Variants in TASOR2 observed in about 807,000 individuals in gnomAD.
TASOR2 encodes the protein protein TASOR 2.
In TASOR2, 84 loss-of-function variants were observed where a neutral mutation model predicts 199.5. That is an observed-to-expected ratio of 0.42 (90% CI 0.35 to 0.50). The LOEUF (loss-of-function observed/expected upper bound fraction) is 0.50, where lower values mean the gene tolerates loss of function less well. Ranked by LOEUF, TASOR2 falls within the 20% of genes least tolerant of loss-of-function variation. The probability of loss-of-function intolerance (pLI) is 0.02; values close to 1 mark genes in which losing one functional copy is unlikely to be tolerated. For synonymous variants in TASOR2, 1,103 were observed against 1,046.6 expected (o/e 1.05, Z -1.04); for missense variants, 2,796 against 2,835.9 (o/e 0.99, Z 0.32).
chr10:5,759,409 G>A (rs7097046), intron 18 of TASOR2, among the ~76,000 whole-genome samples: 3,749 of 152,196 alleles, frequency 0.025, 57 homozygotes, highest in South Asian at 0.037. Context: ...TTATAAATAC[G>A]CAAACTTCAC....
rs1313835890 is a variant in TASOR2 at position 5,752,244 on chromosome 10, TAAA to T, written c.6606+2219_6606+2221del. Reference sequence around the variant, plus strand: ...CTAATGGGACAAGGAAAACACTGATTAAAAGAGTCACACAAATAAATGTGAAAT... The same window carrying T: ...CTAATGGGACAAGGAAAACACTGATTAGAGTCACACAAATAAATGTGAAAT... On this transcript the variant is annotated intron_variant, in intron 15 of 20. Coordinates refer to ENST00000328090, the Ensembl canonical transcript of TASOR2. This position sits in a 1 kb window ranked among gnomAD's most constrained non-coding sequence, Gnocchi z 4.4. Among the ~76,000 whole-genome samples the T allele has an allele frequency of 6.6e-6, 1 of 152,148 alleles. No individual in the cohort carries two copies. Among genetic ancestry groups the T allele is most frequent in the Non-Finnish European group, 1.5e-5 (1 of 68,036 alleles).
At chr10:5,688,616 C>G (rs1836067294) in intron 1 of TASOR2, among the ~76,000 whole-genome samples, 1 of 152,116 alleles carries the variant, frequency 6.6e-6, no homozygotes, top group Non-Finnish European at 1.5e-5. Context: ...GCCTACCATG[C>G]ACTTTCAAGG....
exon 7 of TASOR2, chr10:5,723,677 A>T: frequency 6.4e-7 from 1 of 1,565,290 alleles, no homozygotes; most frequent in Non-Finnish European, 8.7e-7. Flanking sequence ...TGTTTTTCAG[A>T]CCGCAGGAAC....
intron 8 of TASOR2, among the ~76,000 whole-genome samples, chr10:5,725,749 G>T (rs1436889025): frequency 6.6e-6 from 1 of 152,164 alleles, no homozygotes; most frequent in Non-Finnish European, 1.5e-5. Flanking sequence ...CCACTGTGCT[G>T]CAGGCTGGGT....
chr10:5,714,229 A>G (rs887732382), intron 2 of TASOR2, 22 bp downstream of exon 3: 2 of 1,223,864 alleles, frequency 1.6e-6, no homozygotes, highest in Admixed American at 4.2e-5. Context: ...AAGCAAAAAG[A>G]ATCTTAAAAA....
chr10:5,723,822 C>T (rs780439015), intron 7 of TASOR2, 45 bp downstream of exon 8: 3 of 1,348,242 alleles, frequency 2.2e-6, no homozygotes, highest in Non-Finnish European at 3.1e-6. Flanking sequence ...GGGCTTTGTT[C>T]TGGTTATTTT....
At position 5,687,721 on chromosome 10, in the gene TASOR2, G is replaced by T. The variant is rs1413953674; in HGVS notation, c.-288+2546G>T. Among the ~76,000 whole-genome samples, 1 of 152,218 alleles carries T rather than the reference G, an allele frequency of 6.6e-6. No homozygotes were observed. On this transcript the variant is annotated intron_variant, in intron 1 of 20. Coordinates refer to ENST00000328090, the Ensembl canonical transcript of TASOR2. The surrounding 1 kb of genome is among the most constrained non-coding windows in gnomAD (Gnocchi z 4.8). ...GGTAGTCCCAGCTACTCGGGAGGCCGAGACAAGAGAATCACTTGAACCTGG... is the reference window on the plus strand; with the variant it reads ...GGTAGTCCCAGCTACTCGGGAGGCCTAGACAAGAGAATCACTTGAACCTGG...
chr10:5,734,530 T>C (rs1835282159), intron 11 of TASOR2, among the ~76,000 whole-genome samples: 2 of 152,200 alleles, frequency 1.3e-5, no homozygotes, highest in East Asian at 3.8e-4. Flanking sequence ...ACGTAAAATA[T>C]ATAATATGGC....
chr10:5,740,346 C>T lies in TASOR2; in HGVS notation c.2176C>T (p.Arg726Cys), dbSNP rs745400949. The T allele has an allele frequency of 1.5e-5, 24 of 1,614,044 alleles. No individual in the cohort carries two copies. The highest frequency in any genetic ancestry group is 8.8e-5 in the South Asian group (8 of 91,090). Residue 726 changes from arginine (R) to cysteine (C), a missense_variant, in exon 13 of 21, where the codon CGT (arginine) becomes TGT (cysteine). Arg to Cys is a radical substitution (Grantham distance 180). This residue lies in a region of TASOR2 where 847 missense variants were observed against 887.4 expected (regional missense o/e 0.95). Coordinates refer to ENST00000328090, the Ensembl canonical transcript of TASOR2. The surrounding 1 kb of genome is among the most constrained non-coding windows in gnomAD (Gnocchi z 5.3). ...GCCCAAGGATCGACCACCGTCTGCC[C>T]GTGTGAAAAAATCTTCTTGCTCTCG... is the stretch of plus-strand genomic sequence containing the variant.
rs11596603 is a variant in TASOR2, at chr10:5,737,509, G to A, written c.1447+1963G>A. Among the ~76,000 whole-genome samples, 958 of 151,646 alleles carry A rather than the reference G, an allele frequency of 6.3e-3. 18 individuals carry two copies. Among genetic ancestry groups the A allele is most frequent in the South Asian group, 0.052 (247 of 4,792 alleles). On this transcript the variant is annotated intron_variant, in intron 12 of 20. Transcript: ENST00000328090. This position sits in a 1 kb window ranked among gnomAD's most constrained non-coding sequence, Gnocchi z 4.9. ...GCGTTGTGCCTCTGCTGTTGCCACC[G>A]TGCTCCTTCCCCTGCGGCCCTCTGT...
Position 5,706,800 on chromosome 10 carries a change from C to T in TASOR2, c.-287-6023C>T, listed in dbSNP as rs984613939. 6.6e-6 allele frequency among the ~76,000 whole-genome samples: 1 copy of T among 151,884 alleles called. No individual in the cohort carries two copies. Among genetic ancestry groups the T allele is most frequent in the Non-Finnish European group, 1.5e-5 (1 of 67,972 alleles). On this transcript the variant is annotated intron_variant, in intron 1 of 20. Coordinates refer to ENST00000328090, the Ensembl canonical transcript of TASOR2. This position sits in a 1 kb window ranked among gnomAD's most constrained non-coding sequence, Gnocchi z 4.8. ...TGCAGATCACTTGAGGCCAGGAGTTCGAGACCAACCTGGCTAACATGGTGA... is the reference window on the plus strand; with the variant it reads ...TGCAGATCACTTGAGGCCAGGAGTTTGAGACCAACCTGGCTAACATGGTGA...
At chr10:5,746,722 A>G in exon 15 of TASOR2, 3 of 1,614,144 alleles carry the variant, frequency 1.9e-6, no homozygotes, top group East Asian at 4.5e-5. Flanking sequence ...CACCTCGGAA[A>G]ATGCACGAAC....
At chr10:5,714,891 G>A (rs1330395784) in intron 2 of TASOR2, among the ~76,000 whole-genome samples, 1 of 152,142 alleles carries the variant, frequency 6.6e-6, no homozygotes, top group Non-Finnish European at 1.5e-5. Context: ...AGTTGGGAAA[G>A]GGATCAGAAC....
rs988355773 is a variant in TASOR2 at position 5,690,810 on chromosome 10, T to C, written c.-288+5635T>C. On this transcript the variant is annotated intron_variant, in intron 1 of 20. Coordinates refer to ENST00000328090, the Ensembl canonical transcript of TASOR2. This position sits in a 1 kb window ranked among gnomAD's most constrained non-coding sequence, Gnocchi z 4.8. ...CCAAAGCACAAACTCATAAACCCAG[T>C]TGATGAGGAGCCAGAACAATGGTCA... Among the ~76,000 whole-genome samples the C allele has an allele frequency of 2.0e-5, 3 of 152,112 alleles. No individual in the cohort carries two copies. Among genetic ancestry groups the C allele is most frequent in the Non-Finnish European group, 4.4e-5 (3 of 68,008 alleles).
At chr10:5,718,564 A>G (rs1328080170) in intron 3 of TASOR2, among the ~76,000 whole-genome samples, 1 of 151,982 alleles carries the variant, frequency 6.6e-6, no homozygotes, top group Non-Finnish European at 1.5e-5. Flanking sequence ...CCTAGCCAAC[A>G]TGGCGAAACC....
rs1835943465 is a variant in TASOR2 at position 5,687,649 on chromosome 10, A to G, written c.-288+2474A>G. ...AGCCTGGCCAACATGGTGAAACACC[A>G]TCTCTACTAAAAATACAAAAATTAG... is the stretch of plus-strand genomic sequence containing the variant. On this transcript the variant is annotated intron_variant, in intron 1 of 20. Transcript: ENST00000328090. This position sits in a 1 kb window ranked among gnomAD's most constrained non-coding sequence, Gnocchi z 4.8. 2.0e-5 allele frequency among the ~76,000 whole-genome samples: 3 copies of G among 152,182 alleles called. No individual in the cohort carries two copies. Among genetic ancestry groups the G allele is most frequent in the Admixed American group, 1.3e-4 (2 of 15,282 alleles).
At chr10:5,718,361 G>T (rs1295416242) in intron 3 of TASOR2, among the ~76,000 whole-genome samples, 2 of 145,170 alleles carry the variant, frequency 1.4e-5, no homozygotes, top group African/African-American at 5.1e-5. Flanking sequence ...AAATTCTTTG[G>T]TTATCAGCCT....
At chr10:5,763,316 A>G in exon 21 of TASOR2, 2 of 328,548 alleles carry the variant, frequency 6.1e-6, no homozygotes, top group Non-Finnish European at 1.1e-5. Flanking sequence ...AAATAATTTT[A>G]CATGTTTACT....
At chr10:5,686,848 C>G (rs1835869790) in intron 1 of TASOR2, among the ~76,000 whole-genome samples, 2 of 152,162 alleles carry the variant, frequency 1.3e-5, no homozygotes, top group South Asian at 4.1e-4. Flanking sequence ...GTAACTATTA[C>G]TGTAGCATTT....
Sources: allele counts gnomAD v4.1 joint callset (sites outside exome capture counted in the v4.1 genomes callset), GRCh38; gene constraint gnomAD v4.1.1; regional missense constraint gnomAD v4.1.1; non-coding constraint Gnocchi (gnomAD v3.1); transcripts MANE v1.5; gene names NCBI Gene and HGNC (gene_info 2026-07-23, HGNC 2026-07-21).